DAG1: variants seen among roughly 807,000 people sequenced by gnomAD.
DAG1 encodes dystroglycan 1, also known as dystroglycan 1 (dystrophin-associated glycoprotein 1).
A neutral mutation model predicts 46.1 loss-of-function variants in DAG1; 8 were observed. That is an observed-to-expected ratio of 0.17 (90% CI 0.10 to 0.31). The LOEUF (loss-of-function observed/expected upper bound fraction) is 0.31. Ranked by LOEUF, DAG1 falls within the 10% of genes least tolerant of loss-of-function variation. The pLI is 1.00. For synonymous variants in DAG1, 495 were observed against 481.8 expected (o/e 1.03, Z -0.36); for missense variants, 1,003 against 1,189.9 (o/e 0.84, Z 2.31).
chr3:49,481,493 TTAAG>T (rs2049880678), intron 1 of DAG1, among the ~76,000 whole-genome samples: 1 of 152,164 alleles, frequency 6.6e-6, no homozygotes, highest in Admixed American at 6.6e-5. Flanking sequence ...ATTTTTATTT[TTAAG>T]TATTGTGCAC....
Position 49,531,715 on chromosome 3 carries a change from C to G in DAG1, c.1204C>G (p.Arg402Gly). ...TGGCACCACAGTTCCTGGCCAGATTCGCCCAACGATGACCATTCCTGGCTA... is the reference window on the plus strand; with the variant it reads ...TGGCACCACAGTTCCTGGCCAGATTGGCCCAACGATGACCATTCCTGGCTA... Reference protein sequence around the residue: ...EAGTTVPGQIRPTMTIPGYVE... With the variant: ...EAGTTVPGQIGPTMTIPGYVE... Residue 402 changes from arginine (R) to glycine (G), a missense_variant, in exon 3 of 3, where the codon CGC becomes GGC. Transcript: ENST00000308775. The surrounding 1 kb of genome is among the most constrained non-coding windows in gnomAD (Gnocchi z 7.0). The G allele has an allele frequency of 6.2e-7, 1 of 1,614,098 alleles. No homozygotes were observed. Among genetic ancestry groups the G allele is most frequent in the African/African-American group, 1.3e-5 (1 of 75,022 alleles).
intron 1 of DAG1, among the ~76,000 whole-genome samples, chr3:49,495,929 A>G (rs1051728112): frequency 1.3e-5 from 2 of 151,854 alleles, no homozygotes; most frequent in Non-Finnish European, 2.9e-5. Flanking sequence ...TCAAAAAAAC[A>G]AAAACAAAAA....
At chr3:49,500,165 A>G (rs1343158630) in intron 1 of DAG1, among the ~76,000 whole-genome samples, 2 of 151,798 alleles carry the variant, frequency 1.3e-5, no homozygotes, top group Non-Finnish European at 2.9e-5. Context: ...GGTGTCCGCC[A>G]CCATGCCCGA....
At chr3:49,471,326 A>G (rs1218760921) in intron 1 of DAG1, among the ~76,000 whole-genome samples, 1 of 152,212 alleles carries the variant, frequency 6.6e-6, no homozygotes, top group Non-Finnish European at 1.5e-5. Context: ...TATAGGACAT[A>G]ATTCCAGATA....
intron 1 of DAG1, among the ~76,000 whole-genome samples, chr3:49,483,366 G>A (rs2049935610): frequency 6.6e-6 from 1 of 151,898 alleles, no homozygotes; most frequent in African/African-American, 2.4e-5. Context: ...CACCACACCT[G>A]GCTAATTTTT....
chr3:49,535,302 C>T lies in DAG1; in HGVS notation c.*2103C>T, dbSNP rs757171469. ...GGCCTTCCAAACAGCTCCGTCGCCC[C>T]TAGCAACTCCACCATTGGGCACTGC... On this transcript the variant is annotated 3_prime_UTR_variant, in exon 3 of 3. Transcript: ENST00000308775. 1 of 152,684 alleles carries T rather than the reference C, an allele frequency of 6.5e-6. No homozygotes were observed. The highest frequency in any genetic ancestry group is 1.5e-5 in the Non-Finnish European group (1 of 68,062). The allele number at this position is 152,684 out of a possible 1,614,324, so 9.5% of individuals were successfully genotyped here. A position where few individuals can be genotyped will look rare whatever the true frequency, so the allele number is the denominator to read the frequency against.
chr3:49,504,261 G>T (rs1359938574), intron 1 of DAG1, among the ~76,000 whole-genome samples: 1 of 124,832 alleles, frequency 8.0e-6, no homozygotes, highest in East Asian at 7.7e-4. Context: ...AACCTTTTGG[G>T]GTTGGCTTTT....
chr3:49,488,648 G>C (rs2050102693), intron 1 of DAG1: 1 of 151,582 alleles, frequency 6.6e-6, no homozygotes, highest in Non-Finnish European at 1.5e-5. Context: ...TGTCTCCCAT[G>C]CTGGAGTGCA....
intron 1 of DAG1, among the ~76,000 whole-genome samples, chr3:49,508,860 T>C (rs1359575224): frequency 6.6e-6 from 1 of 152,218 alleles, no homozygotes; most frequent in Non-Finnish European, 1.5e-5. Flanking sequence ...CTAAGCCTCA[T>C]TGTTACAGTT....
chr3:49,530,188 T>C (rs1347490035), intron 2 of DAG1, among the ~76,000 whole-genome samples: 16 of 152,206 alleles, frequency 1.1e-4, no homozygotes, highest in Admixed American at 1.0e-3. Flanking sequence ...TAGATACAAC[T>C]AACTCTCTTT....
At chr3:49,507,299 A>C (rs1028196244) in intron 1 of DAG1, among the ~76,000 whole-genome samples, 1 of 152,238 alleles carries the variant, frequency 6.6e-6, no homozygotes, top group African/African-American at 2.4e-5. Context: ...GTGGTGGCTC[A>C]CACCTGTAAT....
chr3:49,526,066 G>A (rs1157353424), intron 2 of DAG1, among the ~76,000 whole-genome samples: 1 of 152,042 alleles, frequency 6.6e-6, no homozygotes, highest in African/African-American at 2.4e-5. Flanking sequence ...GACCAGGCTG[G>A]TCTTGAACTC....
At chr3:49,472,929 G>T (rs1298166470) in intron 1 of DAG1, among the ~76,000 whole-genome samples, 1 of 151,664 alleles carries the variant, frequency 6.6e-6, no homozygotes, top group Non-Finnish European at 1.5e-5. Flanking sequence ...GGACCAGCCT[G>T]GCCGACATGG....
chr3:49,516,759 C>T (rs180912376), intron 2 of DAG1, among the ~76,000 whole-genome samples: 5 of 152,256 alleles, frequency 3.3e-5, no homozygotes, highest in Non-Finnish European at 5.9e-5. Context: ...ATTCACCCTC[C>T]CTCAGCCATT....
chr3:49,485,163 A>C (rs981471499), intron 1 of DAG1, among the ~76,000 whole-genome samples: 4 of 151,496 alleles, frequency 2.6e-5, no homozygotes, highest in African/African-American at 9.7e-5. Flanking sequence ...ATTTTTTTGT[A>C]TTTTTAGTAG....
intron 2 of DAG1, chr3:49,511,098 G>C: frequency 1.9e-6 from 1 of 522,296 alleles, no homozygotes; most frequent in Non-Finnish European, 2.5e-6. Flanking sequence ...TGTTGGAAAG[G>C]TCTGTCACGT....
chr3:49,469,728 CT>C (rs1347733160), upstream of DAG1, among the ~76,000 whole-genome samples: 4 of 152,232 alleles, frequency 2.6e-5, no homozygotes, highest in Non-Finnish European at 1.5e-5. Context: ...GGCAGCAAGG[CT>C]TTCATCCTTT....
chr3:49,480,590 G>C lies in DAG1; in HGVS notation c.-117+10157G>C, dbSNP rs7653505. On this transcript the variant is annotated intron_variant, in intron 1 of 2. Transcript: ENST00000308775. ...TTACAGGCGTGAGCCACTGCGTCCG[G>C]CGCATATAACATTTCTAATGGTTAA... Among the ~76,000 whole-genome samples, 498 of 141,524 alleles carry C rather than the reference G, an allele frequency of 3.5e-3. 22 individuals carry two copies. The highest frequency in any genetic ancestry group is 0.011 in the African/African-American group (464 of 40,792). 92.8% of individuals were successfully genotyped at this position (141,524 alleles called of 152,430 possible).
intron 2 of DAG1, 103 bp downstream of exon 2, chr3:49,510,922 A>C: frequency 6.5e-7 from 1 of 1,546,226 alleles, no homozygotes; most frequent in Non-Finnish European, 8.7e-7. Flanking sequence ...TTCTGAGCTC[A>C]GTTCTTCCAG....
Sources: allele counts gnomAD v4.1 joint callset (sites outside exome capture counted in the v4.1 genomes callset), GRCh38; gene constraint gnomAD v4.1.1; non-coding constraint Gnocchi (gnomAD v3.1); transcripts MANE v1.5; gene names NCBI Gene and HGNC (gene_info 2026-07-23, HGNC 2026-07-21).